PBLD: variants seen among roughly 807,000 people sequenced by gnomAD.
PBLD encodes phenazine biosynthesis-like domain-containing protein.
In PBLD, 26 loss-of-function variants were observed where a neutral mutation model predicts 31.3. That is an observed-to-expected ratio of 0.83 (90% CI 0.61 to 1.15). The LOEUF is 1.15. PBLD is among the 50% of genes most tolerant of loss of function. The pLI, the probability that PBLD is intolerant of heterozygous loss-of-function variation, is 0.00. For synonymous variants in PBLD, 114 were observed against 129.0 expected (o/e 0.88, Z 0.79); for missense variants, 307 against 351.7 (o/e 0.87, Z 1.02).
At chr10:68,328,194 T>A (rs1351078804) in intron 1 of PBLD, among the ~76,000 whole-genome samples, 1 of 152,246 alleles carries the variant, frequency 6.6e-6, no homozygotes, top group Non-Finnish European at 1.5e-5. Context: ...TAAAAGGCAT[T>A]AACTACCTTA....
chr10:68,329,864 C>A (rs1443733269), intron 1 of PBLD, among the ~76,000 whole-genome samples: 1 of 152,028 alleles, frequency 6.6e-6, no homozygotes, highest in Non-Finnish European at 1.5e-5. Flanking sequence ...GTTTTAAGAC[C>A]CTGGCCCTTG....
In PBLD at chr10:68,285,373, C is replaced by G; in HGVS notation, c.729G>C (p.Gln243His). Residue 243 changes from glutamine to histidine, a missense_variant, in exon 9 of 10, where the codon CAG (glutamine) becomes CAC (histidine). Gln to His is a conservative substitution (Grantham distance 24). Transcript: ENST00000358769. ...AHAVLSSYWS[Q>H]HLGKKEMHAF... ...CATGCATTTCTTTCTTCCCCAGATG[C>G]TGGGACCAGTAGCTGCTGAGAACAG... 1 of 1,614,038 alleles carries G rather than the reference C, an allele frequency of 6.2e-7. No individual in the cohort carries two copies. The highest frequency in any genetic ancestry group is 8.5e-7 in the Non-Finnish European group (1 of 1,179,958).
At chr10:68,317,956 G>A (rs533750989) in intron 1 of PBLD, among the ~76,000 whole-genome samples, 5 of 152,178 alleles carry the variant, frequency 3.3e-5, no homozygotes, top group Non-Finnish European at 5.9e-5. Context: ...GGCCGGGCAC[G>A]GTGGCTCACG....
chr10:68,330,227 G>T (rs1327029727), intron 1 of PBLD, among the ~76,000 whole-genome samples: 3 of 151,990 alleles, frequency 2.0e-5, no homozygotes, highest in Admixed American at 1.3e-4. Flanking sequence ...CCCCACACTC[G>T]TCTTAAGCAG....
intron 1 of PBLD, among the ~76,000 whole-genome samples, chr10:68,326,447 A>G (rs987520553): frequency 6.6e-6 from 1 of 152,238 alleles, no homozygotes; most frequent in African/African-American, 2.4e-5. Flanking sequence ...ATCTGCCTAT[A>G]TTGGAAAATC....
chr10:68,308,776 G>C (rs972264742), intron 1 of PBLD, among the ~76,000 whole-genome samples: 3 of 149,378 alleles, frequency 2.0e-5, no homozygotes, highest in Non-Finnish European at 4.4e-5. Flanking sequence ...CCTCACTTAA[G>C]TGATCCTCCC....
chr10:68,292,287 G>A, intron 4 of PBLD, 49 bp from the exon 5 acceptor site: 13 of 1,458,808 alleles, frequency 8.9e-6, no homozygotes, highest in Non-Finnish European at 1.2e-5. Flanking sequence ...TGTCATATAT[G>A]CGCATGTCCA....
intron 4 of PBLD, among the ~76,000 whole-genome samples, chr10:68,294,603 C>T (rs186985063): frequency 5.5e-4 from 84 of 152,356 alleles, no homozygotes; most frequent in Non-Finnish European, 8.8e-5. Context: ...GAATCTTTGC[C>T]TCTACTTGGA....
Position 68,297,204 on chromosome 10 carries a change from T to A in PBLD, c.85-219A>T, listed in dbSNP as rs1589653801. 3.3e-5 allele frequency: 18 copies of A among 541,696 alleles called. No homozygotes were observed. In the East Asian group the frequency reaches 5.7e-4, roughly 17 times the overall value. 33.6% of individuals were successfully genotyped at this position (541,696 alleles called of 1,614,324 possible). ...GAAGAAGGGTTATAAATGTGCAAGC[T>A]GGAATAGACTGTGAAAAACTGGCTG... On this transcript the variant is annotated intron_variant, in intron 2 of 9. Transcript: ENST00000358769.
rs145422728 is a variant in PBLD at position 68,288,930 on chromosome 10, C to T, written c.512+1G>A. The stretch of plus-strand genomic sequence containing the variant: ...AGTGCTGATGCAGCCAAAAATCTTA[C>T]CTGTTGTAAACGTCACTGAGGCGGA... On this transcript the variant is annotated splice_donor_variant, in intron 7 of 9. Coordinates refer to ENST00000358769, the MANE Select transcript of PBLD (RefSeq NM_022129.4). LOFTEE classifies it high-confidence loss of function. The T allele has an allele frequency of 5.6e-6, 9 of 1,613,746 alleles. No homozygotes were observed. The highest frequency in any genetic ancestry group is 6.8e-6 in the Non-Finnish European group (8 of 1,179,746).
At chr10:68,288,862 G>A in intron 7 of PBLD, 69 bp downstream of exon 7, 1 of 1,454,440 alleles carries the variant, frequency 6.9e-7, no homozygotes, top group Non-Finnish European at 9.6e-7. Context: ...AGCACAGCCA[G>A]ACTAAGGAAG....
chr10:68,290,475 T>C (rs1384835706), intron 6 of PBLD, among the ~76,000 whole-genome samples: 1 of 152,136 alleles, frequency 6.6e-6, no homozygotes, highest in East Asian at 1.9e-4. Context: ...CCCAGCTCTT[T>C]GGGAGGCCGA....
At chr10:68,303,750 T>A (rs1379808857) in intron 2 of PBLD, among the ~76,000 whole-genome samples, 1 of 152,136 alleles carries the variant, frequency 6.6e-6, no homozygotes, top group East Asian at 1.9e-4. Context: ...ACCTAGTCTT[T>A]AGTCTATCCA....
chr10:68,302,314 C>T (rs1171446736), intron 2 of PBLD, among the ~76,000 whole-genome samples: 2 of 152,064 alleles, frequency 1.3e-5, no homozygotes, highest in Non-Finnish European at 2.9e-5. Context: ...TTTGGCATAC[C>T]GAGGTTCCAT....
At chr10:68,295,566 A>C (rs1292019613) in intron 4 of PBLD, among the ~76,000 whole-genome samples, 1 of 152,144 alleles carries the variant, frequency 6.6e-6, no homozygotes, top group African/African-American at 2.4e-5. Flanking sequence ...AGCGGAAATA[A>C]TTGGAGTGAA....
At position 68,306,800 on chromosome 10, in the gene PBLD, T is replaced by A; in HGVS notation, c.45A>T (p.Ala15=). ...IFIADAFTAR[A]FRGNPAAVCL... ...AAACAGCAGCAGGATTCCCACGAAATGCTCTTGCTGTGAATGCATCTGCTA... is the reference window on the plus strand; with the variant it reads ...AAACAGCAGCAGGATTCCCACGAAAAGCTCTTGCTGTGAATGCATCTGCTA... The change falls in exon 2 of 10, where the codon GCA becomes GCT. Residue 15 remains alanine, a synonymous_variant. Coordinates refer to ENST00000358769, the MANE Select transcript of PBLD (RefSeq NM_022129.4). 1 of 1,612,246 alleles carries A rather than the reference T, an allele frequency of 6.2e-7. No homozygotes were observed. Among genetic ancestry groups the A allele is most frequent in the South Asian group, 1.1e-5 (1 of 90,804 alleles).
intron 1 of PBLD, among the ~76,000 whole-genome samples, chr10:68,324,463 C>T (rs1259587257): frequency 6.6e-6 from 1 of 152,076 alleles, no homozygotes; most frequent in Non-Finnish European, 1.5e-5. Context: ...GTGTGAGCCA[C>T]TGTGCCCAGC....
intron 2 of PBLD, among the ~76,000 whole-genome samples, chr10:68,298,828 T>C (rs1043962641): frequency 6.6e-6 from 1 of 151,496 alleles, no homozygotes; most frequent in African/African-American, 2.4e-5. Flanking sequence ...TGGACCCAGC[T>C]GGGCGTGGTG....
At chr10:68,290,388 A>C (rs1039757801) in intron 6 of PBLD, among the ~76,000 whole-genome samples, 1 of 152,180 alleles carries the variant, frequency 6.6e-6, no homozygotes, top group African/African-American at 2.4e-5. Flanking sequence ...TAGTCTCTCG[A>C]ACCCAGCCCT....
Sources: allele counts gnomAD v4.1 joint callset (sites outside exome capture counted in the v4.1 genomes callset), GRCh38; gene constraint gnomAD v4.1.1; transcripts MANE v1.5; gene names NCBI Gene and HGNC (gene_info 2026-07-23, HGNC 2026-07-21).